The following SRGAP3 variants were observed in gnomAD, a reference collection of about 807,000 sequenced individuals.
SRGAP3 encodes SLIT-ROBO Rho GTPase activating protein 3.
In SRGAP3, 39 loss-of-function variants were observed where a neutral mutation model predicts 121.1. The ratio of observed to expected loss-of-function variants is 0.32; its 90% confidence interval spans 0.25 to 0.42. The LOEUF (loss-of-function observed/expected upper bound fraction) is 0.42. Among genes scored for constraint, SRGAP3 ranks in the 10% least tolerant of loss-of-function variants. The probability of loss-of-function intolerance (pLI) is 1.00; values close to 1 mark genes in which losing one functional copy is unlikely to be tolerated. For synonymous variants in SRGAP3, 601 were observed against 570.0 expected (o/e 1.05, Z -0.77); for missense variants, 1,213 against 1,470.6 (o/e 0.82, Z 2.86).
intron 3 of SRGAP3, among the ~76,000 whole-genome samples, chr3:9,280,719 C>T (rs1040595225): frequency 6.6e-6 from 1 of 152,256 alleles, no homozygotes; most frequent in Non-Finnish European, 1.5e-5. Flanking sequence ...AGTACCCACT[C>T]GACACAGACA....
chr3:9,138,055 T>C (rs1949726552), intron 1 of SRGAP3, among the ~76,000 whole-genome samples: 1 of 152,254 alleles, frequency 6.6e-6, no homozygotes, highest in Admixed American at 6.5e-5. Context: ...GTCCTCTGAC[T>C]GATGATGTTT....
At position 9,076,149 on chromosome 3, in the gene SRGAP3, A is replaced by C. The variant is rs1575033934; in HGVS notation, c.486+3876T>G. 3.3e-5 allele frequency among the ~76,000 whole-genome samples: 5 copies of C among 152,032 alleles called. No individual in the cohort carries two copies. In the South Asian group the frequency reaches 1.0e-3, roughly 32 times the overall value. On this transcript the variant is annotated intron_variant, in intron 4 of 21. Transcript: ENST00000383836. ...TTTTCTTTTTTTAATTGACCAGAAA[A>C]CTGCAGCCACAGGAGTGGCCCCAGT...
intron 14 of SRGAP3, among the ~76,000 whole-genome samples, chr3:9,022,657 C>T (rs138780174): frequency 5.9e-5 from 9 of 152,150 alleles, no homozygotes; most frequent in East Asian, 1.9e-4. Flanking sequence ...AATCTGGCAG[C>T]GGCCAACCCA....
At chr3:9,302,072 A>G (rs1955068091) in intron 3 of SRGAP3, among the ~76,000 whole-genome samples, 1 of 152,136 alleles carries the variant, frequency 6.6e-6, no homozygotes, top group Non-Finnish European at 1.5e-5. Flanking sequence ...TGTGCTTACA[A>G]CCGTCCTCAG....
chr3:9,243,676 T>G (rs900862865), intron 1 of SRGAP3, among the ~76,000 whole-genome samples: 2 of 149,462 alleles, frequency 1.3e-5, no homozygotes, highest in African/African-American at 4.9e-5. Flanking sequence ...GAAAAGGGAC[T>G]GGTTTTTTGC....
At chr3:9,086,161 C>A (rs754816655) in intron 3 of SRGAP3, among the ~76,000 whole-genome samples, 10 of 152,156 alleles carry the variant, frequency 6.6e-5, no homozygotes, top group Admixed American at 1.3e-4. Flanking sequence ...ACCCAATCTG[C>A]AATATCTTAT....
intron 11 of SRGAP3, chr3:9,036,011 C>A (rs1944725847): frequency 6.6e-6 from 1 of 152,216 alleles, no homozygotes. Context: ...TCACAATAAT[C>A]AAACCTTATA....
chr3:9,249,151 T>C lies in SRGAP3; in HGVS notation c.-200A>G. ...AAAAATCTCTTTACTTGCCGAGAAA[T>C]GGCTCTAGTAGCTTGCCCTGGTCAG... On this transcript the variant is annotated 5_prime_UTR_variant, in exon 1 of 22. Transcript: ENST00000383836. 1.6e-6 allele frequency: 1 copy of C among 641,972 alleles called. No homozygotes were observed. The allele number at this position is 641,972 out of a possible 1,614,324, so 39.8% of individuals were successfully genotyped here. A position where few individuals can be genotyped will look rare whatever the true frequency, so the allele number is the denominator to read the frequency against.
chr3:8,991,305 C>A (rs148497364), intron 20 of SRGAP3, among the ~76,000 whole-genome samples: 1 of 152,272 alleles, frequency 6.6e-6, no homozygotes, highest in East Asian at 1.9e-4. Flanking sequence ...CAGTTGGGGT[C>A]CCCTGGGAAC....
At chr3:9,058,508 C>A (rs771652063) in intron 6 of SRGAP3, 36 bp from the exon 7 acceptor site, 1 of 1,604,856 alleles carries the variant, frequency 6.2e-7, no homozygotes, top group Non-Finnish European at 8.5e-7. Context: ...TTATGGGTGA[C>A]AGCCAGGATG....
At chr3:9,274,752 C>A (rs1954539747) in intron 3 of SRGAP3, among the ~76,000 whole-genome samples, 1 of 152,176 alleles carries the variant, frequency 6.6e-6, no homozygotes, top group Admixed American at 6.5e-5. Flanking sequence ...GAAAAGGTGA[C>A]AGAGTGGGAA....
At chr3:9,306,787 TCTC>T (rs1185892564) in intron 3 of SRGAP3, among the ~76,000 whole-genome samples, 1 of 152,118 alleles carries the variant, frequency 6.6e-6, no homozygotes, top group Non-Finnish European at 1.5e-5. Context: ...AGCAGCACAA[TCTC>T]CTGGCTGCCA....
chr3:9,243,155 G>A (rs1231625614), intron 1 of SRGAP3, among the ~76,000 whole-genome samples: 2 of 152,204 alleles, frequency 1.3e-5, no homozygotes, highest in Non-Finnish European at 2.9e-5. Context: ...GGGGAGATAT[G>A]AGGGGACCAC....
intron 1 of SRGAP3, chr3:9,349,251 GC>G: frequency 3.6e-6 from 2 of 556,318 alleles, no homozygotes; most frequent in Non-Finnish European, 3.4e-6. Flanking sequence ...GCGTCCCCCT[GC>G]CCCTCCCTCC....
rs944684613 is a variant in SRGAP3 at position 9,336,783 on chromosome 3, A to G, written n.215-6187T>C. Among the ~76,000 whole-genome samples the G allele has an allele frequency of 1.9e-4, 29 of 152,206 alleles. 1 individual carries two copies. Among genetic ancestry groups the G allele is most frequent in the Non-Finnish European group, 1.9e-4 (13 of 68,038 alleles). On this transcript the variant is annotated intron_variant and non_coding_transcript_variant, in intron 1 of 3. Coordinates refer to the SRGAP3 transcript ENST00000490889. ...AGAGTCTTACTTTAAACAGCCTTGA[A>G]GAAGACAACAGAGAGTATGTTAGAG...
At chr3:9,041,927 C>T (rs1278122422) in intron 10 of SRGAP3, among the ~76,000 whole-genome samples, 4 of 151,816 alleles carry the variant, frequency 2.6e-5, no homozygotes, top group Non-Finnish European at 4.4e-5. Context: ...ATGGTGAAAC[C>T]CCATCTCTAC....
At position 9,032,745 on chromosome 3, in the gene SRGAP3, A is replaced by AG; in HGVS notation, c.1443dup (p.Cys482LeufsTer5). On this transcript the variant is annotated frameshift_variant, in exon 12 of 22. Transcript: ENST00000383836. LOFTEE classifies it high-confidence loss of function. ...ATTTTCTGTGGTTTAGGGGGAAGAC[A>AG]GGGGGGCCTAGGGGAAAACGGAACA... The AG allele has an allele frequency of 6.2e-7, 1 of 1,612,572 alleles. No homozygotes were observed. Among genetic ancestry groups the AG allele is most frequent in the Non-Finnish European group, 8.5e-7 (1 of 1,179,208 alleles).
At chr3:9,203,248 C>G (rs902863983) in intron 1 of SRGAP3, among the ~76,000 whole-genome samples, 1 of 152,152 alleles carries the variant, frequency 6.6e-6, no homozygotes, top group East Asian at 1.9e-4. Flanking sequence ...AAAACAATCA[C>G]CCCCTCTCCC....
At chr3:9,086,503 G>A (rs141721222) in intron 3 of SRGAP3, among the ~76,000 whole-genome samples, 1,365 of 112,560 alleles carry the variant, frequency 0.012, 25 homozygotes, top group African/African-American at 0.045. Flanking sequence ...CTGGGTGACA[G>A]AATGAGACTG....
Sources: allele counts gnomAD v4.1 joint callset (sites outside exome capture counted in the v4.1 genomes callset), GRCh38; gene constraint gnomAD v4.1.1; transcripts MANE v1.5; gene names NCBI Gene and HGNC (gene_info 2026-07-23, HGNC 2026-07-21).